The following ZC3H12B variants were observed in gnomAD, a reference collection of about 807,000 sequenced individuals.
ZC3H12B encodes the protein probable ribonuclease ZC3H12B.
ZC3H12B carries 7 observed loss-of-function variants against 43.9 expected under a neutral mutation model. The observed-to-expected ratio is 0.16, with a 90% confidence interval of 0.09 to 0.30. The LOEUF (loss-of-function observed/expected upper bound fraction) is 0.30, where lower values mean the gene tolerates loss of function less well. Ranked by LOEUF, ZC3H12B falls within the 10% of genes least tolerant of loss-of-function variation. The pLI is 1.00. For synonymous variants in ZC3H12B, 222 were observed against 241.7 expected (o/e 0.92, Z 0.76); for missense variants, 475 against 670.2 (o/e 0.71, Z 3.22).
chrX:65,090,756 C>A, the ZC3H12B span, among the ~76,000 whole-genome samples: 1 of 111,360 alleles, frequency 9.0e-6, no homozygotes, highest in African/African-American at 3.3e-5. Context: ...ATATGTAGTC[C>A]TACCTGTATC....
intron 2 of ZC3H12B, among the ~76,000 whole-genome samples, chrX:65,370,125 A>C (rs765576096): frequency 3.7e-4 from 42 of 112,433 alleles, no homozygotes; most frequent in African/African-American, 1.3e-3. Context: ...GTATTCATAT[A>C]GTTTCGAAGA....
chrX:65,251,428 C>T, the ZC3H12B span, among the ~76,000 whole-genome samples: 1 of 111,258 alleles, frequency 9.0e-6, no homozygotes. Flanking sequence ...CGGGCTCTTT[C>T]TTGGTTCCAT....
chrX:65,057,565 A>T, the ZC3H12B span, among the ~76,000 whole-genome samples: 2 of 110,790 alleles, frequency 1.8e-5, no homozygotes, highest in African/African-American at 6.6e-5. Flanking sequence ...TCTGTCTTGG[A>T]GTTGCTCTTC....
At chrX:65,504,452 T>C (rs2068406651) in exon 5 of ZC3H12B, 1 of 112,620 alleles carries the variant, frequency 8.9e-6, no homozygotes, top group Non-Finnish European at 1.9e-5. Context: ...TATTAACAGT[T>C]CTTACCTTCC....
the ZC3H12B span, among the ~76,000 whole-genome samples, chrX:65,161,479 G>C: frequency 8.9e-6 from 1 of 111,812 alleles, no homozygotes; most frequent in Non-Finnish European, 1.9e-5. Flanking sequence ...ATGATAGTTA[G>C]CTCTTCTTGT....
chrX:65,159,459 T>C, the ZC3H12B span, among the ~76,000 whole-genome samples: 4 of 111,759 alleles, frequency 3.6e-5, no homozygotes, highest in South Asian at 3.7e-4. Context: ...TGGTCTGTAG[T>C]TCTCCTTCAG....
At chrX:65,351,602 G>T in the ZC3H12B span, among the ~76,000 whole-genome samples, 16 of 111,712 alleles carry the variant, frequency 1.4e-4, no homozygotes, top group African/African-American at 4.2e-4. Context: ...ATCTACAAAG[G>T]ACTTAAACAA....
chrX:65,352,997 G>A, the ZC3H12B span, among the ~76,000 whole-genome samples: 1 of 109,773 alleles, frequency 9.1e-6, no homozygotes, highest in Non-Finnish European at 1.9e-5. Context: ...ACAGGTGCGC[G>A]CCTCCACGCC....
chrX:65,128,642 G>T, the ZC3H12B span, among the ~76,000 whole-genome samples: 16 of 111,733 alleles, frequency 1.4e-4, no homozygotes, highest in African/African-American at 4.9e-4. Context: ...GTTAAGAGAG[G>T]TTTGTTGAAG....
chrX:65,278,499 C>T, the ZC3H12B span, among the ~76,000 whole-genome samples: 1 of 111,595 alleles, frequency 9.0e-6, no homozygotes, highest in East Asian at 2.8e-4. Flanking sequence ...ATGGAATAGC[C>T]ATTTTTTATT....
At chrX:65,294,069 C>G in the ZC3H12B span, among the ~76,000 whole-genome samples, 1 of 111,128 alleles carries the variant, frequency 9.0e-6, no homozygotes, top group Non-Finnish European at 1.9e-5. Context: ...TCTCTAAAGT[C>G]AAGATGAAGG....
At chrX:65,153,297 A>ATG in the ZC3H12B span, among the ~76,000 whole-genome samples, 1 of 112,106 alleles carries the variant, frequency 8.9e-6, no homozygotes, top group Non-Finnish European at 1.9e-5. Context: ...TGAACAGGCA[A>ATG]CCTACAGAAT....
chrX:65,454,628 G>C (rs2067577914), intron 3 of ZC3H12B, among the ~76,000 whole-genome samples: 1 of 111,945 alleles, frequency 8.9e-6, no homozygotes, highest in Admixed American at 9.5e-5. Context: ...TTGGAAGAGA[G>C]TAGTGGTTCT....
At chrX:65,288,293 T>C in the ZC3H12B span, among the ~76,000 whole-genome samples, 1 of 111,004 alleles carries the variant, frequency 9.0e-6, no homozygotes, top group African/African-American at 3.3e-5. Context: ...GAATTCTCCA[T>C]AACTCATTCA....
At chrX:65,488,984 A>G (rs761759794) in exon 1 of ZC3H12B, 15 of 1,209,280 alleles carry the variant, frequency 1.2e-5, no homozygotes, top group Non-Finnish European at 1.7e-5. Flanking sequence ...AGAGCTGCCA[A>G]CCTAGGGATG....
At chrX:65,243,803 G>GT in the ZC3H12B span, among the ~76,000 whole-genome samples, 6,382 of 110,659 alleles carry the variant, frequency 0.058, 200 homozygotes, top group Non-Finnish European at 0.092. Context: ...ATATAATGAA[G>GT]TTTTTTTTTA....
chrX:65,291,827 G>T, the ZC3H12B span, among the ~76,000 whole-genome samples: 31 of 112,036 alleles, frequency 2.8e-4, no homozygotes, highest in East Asian at 7.8e-3. Context: ...AACAACAGAT[G>T]GAGAAATATA....
At chrX:65,101,922 CACA>C in the ZC3H12B span, among the ~76,000 whole-genome samples, 1 of 112,073 alleles carries the variant, frequency 8.9e-6, no homozygotes. Flanking sequence ...CTGGCAGAGA[CACA>C]ACAAGAAAAG....
At chrX:65,114,220 TG>T in the ZC3H12B span, among the ~76,000 whole-genome samples, 1 of 107,027 alleles carries the variant, frequency 9.3e-6, no homozygotes, top group African/African-American at 3.3e-5. Context: ...GCAGTTTTCT[TG>T]TACTGTTTTT....
Sources: allele counts gnomAD v4.1 joint callset (sites outside exome capture counted in the v4.1 genomes callset), GRCh38; gene constraint gnomAD v4.1.1; transcripts MANE v1.5; gene names NCBI Gene and HGNC (gene_info 2026-07-23, HGNC 2026-07-21).